Variants in RUNX2 observed in about 807,000 individuals in gnomAD.
The protein encoded by RUNX2 is runt-related transcription factor 2.
In RUNX2, 10 loss-of-function variants were observed where a neutral mutation model predicts 51.7. That is an observed-to-expected ratio of 0.19 (90% confidence interval 0.12 to 0.33). The LOEUF is 0.33. Ranked by LOEUF, RUNX2 falls within the 10% of genes least tolerant of loss-of-function variation. The pLI is 1.00. For missense variants in RUNX2, 562 were observed against 691.3 expected (o/e 0.81, Z 2.10); for synonymous variants, 276 against 273.6 (o/e 1.01, Z -0.09).
rs543940954 is a variant in RUNX2, at chr6:45,392,222, A to G, written c.59-30371A>G. Among the ~76,000 whole-genome samples the G allele has an allele frequency of 3.3e-4, 50 of 152,342 alleles. No individual in the cohort carries two copies. The South Asian group carries it at 3.7e-3, about 11-fold the overall frequency. On this transcript the variant is annotated intron_variant, in intron 2 of 8. Transcript: ENST00000647337. ...TTTTTTACTATTTATATTTAAATAT[A>G]GGCTGGGCATATTGGCTCATGCCTG...
At position 45,456,281 on chromosome 6, in the gene RUNX2, T is replaced by C. The variant is rs1582131224; in HGVS notation, c.685+18230T>C. Among the ~76,000 whole-genome samples the C allele has an allele frequency of 2.6e-5, 4 of 152,238 alleles. No homozygotes were observed. The East Asian group carries it at 5.8e-4, about 22-fold the overall frequency. ...TACATTTTTGCATTTTCTAAACTGA[T>C]TTTATTTTTTAATTATTCAAAGGAA... On this transcript the variant is annotated intron_variant, in intron 5 of 8. Transcript: ENST00000647337.
At position 45,550,735 on chromosome 6, in the gene RUNX2, A is replaced by T. The variant is rs942568102; in HGVS notation, c.*3430A>T. 3 of 152,632 alleles carry T rather than the reference A, an allele frequency of 2.0e-5. No individual in the cohort carries two copies. The highest frequency in any genetic ancestry group is 7.2e-5 in the African/African-American group (3 of 41,454). 9.5% of individuals were successfully genotyped at this position (152,632 alleles called of 1,614,324 possible). ...ATCAGCCAAAACCATAACTTACAAT[A>T]ATTTCTTAGGTATTCTGAATAAAAT... On this transcript the variant is annotated 3_prime_UTR_variant, in exon 9 of 9. Coordinates refer to ENST00000647337, the MANE Select transcript of RUNX2 (RefSeq NM_001024630.4).
At chr6:45,367,441 C>T (rs1359510736) in intron 2 of RUNX2, among the ~76,000 whole-genome samples, 1 of 151,536 alleles carries the variant, frequency 6.6e-6, no homozygotes, top group African/African-American at 2.4e-5. Context: ...AGAAACATAA[C>T]CATTTGAGAC....
Position 45,425,588 on chromosome 6 carries a change from G to T in RUNX2, c.423+2631G>T, listed in dbSNP as rs191926642. Among the ~76,000 whole-genome samples the T allele has an allele frequency of 5.6e-3, 857 of 152,236 alleles. 4 individuals are homozygous for T. The highest frequency in any genetic ancestry group is 9.9e-3 in the Non-Finnish European group (673 of 68,012). ...CTGTGTTAAACAATTCAAAAAGTGG[G>T]TGATAGCTAAGATCTACTCAGTATA... is the stretch of plus-strand genomic sequence containing the variant. On this transcript the variant is annotated intron_variant, in intron 3 of 8. Transcript: ENST00000647337.
chr6:45,357,366 T>G (rs1793420488), intron 2 of RUNX2, among the ~76,000 whole-genome samples: 1 of 152,166 alleles, frequency 6.6e-6, no homozygotes, highest in African/African-American at 2.4e-5. Flanking sequence ...AGTCTCACTC[T>G]GTTACCCAGG....
intron 3 of RUNX2, among the ~76,000 whole-genome samples, chr6:45,431,328 C>T (rs1312905591): frequency 9.9e-5 from 15 of 152,118 alleles, no homozygotes. Flanking sequence ...GAAGTGCTAG[C>T]CCAAAGTAAG....
chr6:45,458,680 A>G lies in RUNX2; in HGVS notation c.685+20629A>G, dbSNP rs80044716. Reference sequence around the variant, plus strand: ...ATATGAAAAATAAACTGCGAATGGAATCTTCCAGTTAGCTGAATGGACCTT... The same window carrying G: ...ATATGAAAAATAAACTGCGAATGGAGTCTTCCAGTTAGCTGAATGGACCTT... On this transcript the variant is annotated intron_variant, in intron 5 of 8. Transcript: ENST00000647337. 6.3e-3 allele frequency among the ~76,000 whole-genome samples: 963 copies of G among 152,350 alleles called. 9 individuals carry two copies. The highest frequency in any genetic ancestry group is 0.022 in the African/African-American group (903 of 41,574).
At chr6:45,538,120 A>G (rs1413353796) in intron 7 of RUNX2, among the ~76,000 whole-genome samples, 1 of 152,188 alleles carries the variant, frequency 6.6e-6, no homozygotes, top group Non-Finnish European at 1.5e-5. Context: ...TGTCTAATAT[A>G]TAACATCTCA....
chr6:45,350,277 T>A (rs1791750212), intron 2 of RUNX2, among the ~76,000 whole-genome samples: 2 of 152,178 alleles, frequency 1.3e-5, no homozygotes, highest in Admixed American at 1.3e-4. Context: ...TGTGAATGAA[T>A]AAACAAAAAA....
chr6:45,520,638 A>G (rs1017077172), intron 7 of RUNX2, among the ~76,000 whole-genome samples: 1 of 149,522 alleles, frequency 6.7e-6, no homozygotes, highest in Admixed American at 6.6e-5. Flanking sequence ...CCCAAACACC[A>G]CTTTCTTCAA....
At chr6:45,414,754 C>CTTTTTTTTTTTTTTTTT (rs34672680) in intron 2 of RUNX2, among the ~76,000 whole-genome samples, 4 of 33,424 alleles carry the variant, frequency 1.2e-4, no homozygotes, top group Non-Finnish European at 1.6e-4. Flanking sequence ...CAGATCCTGG[C>CTTTTTTTTTTTTTTTTT]TTTTTTTTTT....
intron 2 of RUNX2, among the ~76,000 whole-genome samples, chr6:45,348,207 G>A (rs995540246): frequency 6.6e-6 from 1 of 151,986 alleles, no homozygotes; most frequent in African/African-American, 2.4e-5. Flanking sequence ...TAACATAGCA[G>A]TTAAAAGTCT....
chr6:45,400,530 C>T (rs1277651908), intron 2 of RUNX2, among the ~76,000 whole-genome samples: 3 of 152,216 alleles, frequency 2.0e-5, no homozygotes, highest in Non-Finnish European at 2.9e-5. Flanking sequence ...TCCCTATTCA[C>T]ACCTTGTGCA....
At chr6:45,422,049 C>T (rs1477073146) in intron 2 of RUNX2, 3 of 147,556 alleles carry the variant, frequency 2.0e-5, no homozygotes, top group African/African-American at 7.3e-5. Context: ...GAGGCGGCGG[C>T]GCGGGAGGGC....
At chr6:45,371,662 T>C (rs554826737) in intron 2 of RUNX2, among the ~76,000 whole-genome samples, 47 of 152,358 alleles carry the variant, frequency 3.1e-4, no homozygotes, top group Admixed American at 2.7e-3. Flanking sequence ...GTTGTAAACA[T>C]AGCAGTCAGG....
At chr6:45,512,432 A>C in intron 7 of RUNX2, 25 bp downstream of exon 7, 4 of 1,613,130 alleles carry the variant, frequency 2.5e-6, no homozygotes, top group Non-Finnish European at 3.4e-6. Flanking sequence ...TTAACTAAAA[A>C]TCCATCCCTG....
intron 2 of RUNX2, among the ~76,000 whole-genome samples, chr6:45,411,300 C>A (rs532300335): frequency 1.3e-5 from 2 of 152,198 alleles, no homozygotes; most frequent in Non-Finnish European, 2.9e-5. Flanking sequence ...TGGACTTTAA[C>A]GTGTTTAGAT....
At chr6:45,377,757 A>G (rs1333732846) in intron 2 of RUNX2, 1 of 152,168 alleles carries the variant, frequency 6.6e-6, no homozygotes, top group Non-Finnish European at 1.5e-5. Flanking sequence ...GCCCCCCGCA[A>G]GCCCTACAAC....
intron 5 of RUNX2, among the ~76,000 whole-genome samples, chr6:45,467,027 T>C (rs1799652808): frequency 6.6e-6 from 1 of 152,202 alleles, no homozygotes; most frequent in African/African-American, 2.4e-5. Context: ...CCTCATTGCC[T>C]ACTCACGCTG....
Sources: gnomAD v4.1 joint callset for allele counts (sites outside exome capture counted in the v4.1 genomes callset) on GRCh38, gnomAD v4.1.1 for gene constraint, MANE v1.5 for transcripts, NCBI Gene and HGNC (gene_info 2026-07-23, HGNC 2026-07-21) for gene names.